The following RBFOX1 variants were observed in gnomAD, a reference collection of about 807,000 sequenced individuals.
RBFOX1 encodes RNA binding protein fox-1 homolog 1.
In RBFOX1, 8 loss-of-function variants were observed where a neutral mutation model predicts 57.7. The ratio of observed to expected loss-of-function variants is 0.14; its 90% CI spans 0.08 to 0.25. The LOEUF is 0.25. Ranked by LOEUF, RBFOX1 falls within the 10% of genes least tolerant of loss-of-function variation. The pLI, the probability that RBFOX1 is intolerant of heterozygous loss-of-function variation, is 1.00. For missense variants in RBFOX1, 611 were observed against 548.5 expected (o/e 1.11, Z -1.14); for synonymous variants, 326 against 222.4 (o/e 1.47, Z -4.15).
chr16:7,660,323 G>A (rs1267627084), intron 12 of RBFOX1, among the ~76,000 whole-genome samples: 1 of 152,188 alleles, frequency 6.6e-6, no homozygotes, highest in Admixed American at 6.5e-5. Context: ...CCTTTGCATG[G>A]CTAGACGGAC....
At chr16:5,240,423 C>T (rs947110930) in intron 1 of RBFOX1, among the ~76,000 whole-genome samples, 5 of 152,088 alleles carry the variant, frequency 3.3e-5, no homozygotes, top group African/African-American at 1.2e-4. Flanking sequence ...GCGGGGGTTG[C>T]GCTGGGCATC....
rs961622553 is a variant in RBFOX1, at chr16:7,021,881, C to CTCTTTCTTTCTTTCTTT, written c.-15-30145_-15-30129dup. 8.6e-4 allele frequency among the ~76,000 whole-genome samples: 105 copies of CTCTTTCTTTCTTTCTTT among 122,254 alleles called. 2 individuals carry two copies. The East Asian group carries it at 0.031, about 37-fold the overall frequency. The allele number at this position is 122,254 out of a possible 152,430, so 80.2% of individuals were successfully genotyped here. A position where few individuals can be genotyped will look rare whatever the true frequency, so the allele number is the denominator to read the frequency against. ...TAAATTGCCAGAACCTTCTTTCTCT[C>CTCTTTCTTTCTTTCTTT]TCTTTCTTTCTTTCTTTTCTTTCTT... is the stretch of plus-strand genomic sequence containing the variant. On this transcript the variant is annotated intron_variant, in intron 3 of 15. Transcript: ENST00000550418.
At chr16:6,926,851 C>A (rs866387456) in intron 3 of RBFOX1, among the ~76,000 whole-genome samples, 3 of 152,100 alleles carry the variant, frequency 2.0e-5, no homozygotes, top group Non-Finnish European at 2.9e-5. Flanking sequence ...TAAACATCCA[C>A]GTGACTCTTT....
chr16:5,986,418 C>G (rs2060287503), intron 4 of RBFOX1, among the ~76,000 whole-genome samples: 1 of 152,194 alleles, frequency 6.6e-6, no homozygotes, highest in Non-Finnish European at 1.5e-5. Context: ...TGATCAGAAA[C>G]TATGTACACT....
chr16:6,914,024 C>T (rs992700276), intron 3 of RBFOX1, among the ~76,000 whole-genome samples: 3 of 152,266 alleles, frequency 2.0e-5, no homozygotes, highest in Middle Eastern at 6.8e-3. Context: ...TAGCCAGAAA[C>T]ATTAAGCAAA....
intron 3 of RBFOX1, among the ~76,000 whole-genome samples, chr16:5,650,544 G>A (rs1178935967): frequency 1.3e-5 from 2 of 152,192 alleles, no homozygotes; most frequent in Admixed American, 6.5e-5. Flanking sequence ...TGGCTTTGGG[G>A]AAGGCTTTTA....
intron 3 of RBFOX1, among the ~76,000 whole-genome samples, chr16:6,705,957 A>G (rs1319040526): frequency 6.6e-6 from 1 of 152,150 alleles, no homozygotes; most frequent in Non-Finnish European, 1.5e-5. Flanking sequence ...GGTGGAGGCT[A>G]CAGTGAGTTA....
At chr16:7,001,991 T>G (rs534335720) in intron 3 of RBFOX1, among the ~76,000 whole-genome samples, 6 of 152,150 alleles carry the variant, frequency 3.9e-5, no homozygotes, top group African/African-American at 1.4e-4. Flanking sequence ...GAACTCCTGG[T>G]GTTTAGAGTG....
Position 5,346,446 on chromosome 16 carries a change from A to T in RBFOX1, c.219+106341A>T, listed in dbSNP as rs28377330. Among the ~76,000 whole-genome samples, 1,193 of 152,326 alleles carry T rather than the reference A, an allele frequency of 7.8e-3. 16 individuals are homozygous for T. The highest frequency in any genetic ancestry group is 0.027 in the African/African-American group (1,133 of 41,560). ...GTTATGATGTTTGAACCACGTCTCA[A>T]GGGATGCATGGGATTTCACAGGATG... On this transcript the variant is annotated intron_variant, in intron 1 of 2. Coordinates refer to the RBFOX1 transcript ENST00000585867.
intron 2 of RBFOX1, among the ~76,000 whole-genome samples, chr16:6,325,744 T>G (rs2082298137): frequency 6.6e-6 from 1 of 152,186 alleles, no homozygotes; most frequent in Non-Finnish European, 1.5e-5. Flanking sequence ...AGGCTAGAAT[T>G]TCTTCCTACT....
At chr16:6,814,636 G>A (rs2089626974) in intron 3 of RBFOX1, among the ~76,000 whole-genome samples, 1 of 152,176 alleles carries the variant, frequency 6.6e-6, no homozygotes, top group African/African-American at 2.4e-5. Flanking sequence ...TGAATGACAG[G>A]TAGGGGACAA....
chr16:7,174,432 A>G (rs189727555), intron 4 of RBFOX1, among the ~76,000 whole-genome samples: 10 of 152,188 alleles, frequency 6.6e-5, no homozygotes, highest in African/African-American at 1.9e-4. Context: ...TCTTGGGTAG[A>G]TATTTAGGAG....
chr16:5,563,847 C>G (rs2045971092), intron 2 of RBFOX1, among the ~76,000 whole-genome samples: 1 of 152,112 alleles, frequency 6.6e-6, no homozygotes, highest in South Asian at 2.1e-4. Flanking sequence ...ATTTCTTCTT[C>G]CCATCTCTAG....
chr16:7,502,478 G>A (rs769107801), intron 4 of RBFOX1, among the ~76,000 whole-genome samples: 15 of 152,172 alleles, frequency 9.9e-5, no homozygotes, highest in Non-Finnish European at 2.2e-4. Context: ...CCTCCACAAA[G>A]CCATTGGGTT....
chr16:6,091,862 G>A (rs2152533514), intron 1 of RBFOX1, among the ~76,000 whole-genome samples: 1 of 152,230 alleles, frequency 6.6e-6, no homozygotes. Flanking sequence ...ACAAATTGTT[G>A]AATAAATGGT....
At chr16:6,700,081 C>A (rs1207532135) in intron 3 of RBFOX1, among the ~76,000 whole-genome samples, 1 of 152,090 alleles carries the variant, frequency 6.6e-6, no homozygotes, top group Non-Finnish European at 1.5e-5. Context: ...CTCCCCCACT[C>A]ACCGTAGCAT....
chr16:7,410,263 C>A (rs189564768), intron 4 of RBFOX1, among the ~76,000 whole-genome samples: 14 of 152,338 alleles, frequency 9.2e-5, no homozygotes, highest in African/African-American at 3.4e-4. Context: ...CTTAGACCAA[C>A]ACAGCCACTG....
At chr16:7,199,753 G>C (rs976508509) in intron 4 of RBFOX1, among the ~76,000 whole-genome samples, 2 of 152,098 alleles carry the variant, frequency 1.3e-5, no homozygotes, top group African/African-American at 4.8e-5. Context: ...GATTAGCTGG[G>C]CATGGTGGCA....
chr16:7,450,421 A>G (rs2098842900), intron 4 of RBFOX1, among the ~76,000 whole-genome samples: 1 of 150,526 alleles, frequency 6.6e-6, no homozygotes. Flanking sequence ...AAAAGGAGAA[A>G]CTTACAGAAA....
Sources: allele counts gnomAD v4.1 joint callset (sites outside exome capture counted in the v4.1 genomes callset), GRCh38; gene constraint gnomAD v4.1.1; transcripts MANE v1.5; gene names NCBI Gene and HGNC (gene_info 2026-07-23, HGNC 2026-07-21).